Variants in ANKRD12 observed in about 807,000 individuals in gnomAD.
ANKRD12 encodes the protein ankyrin repeat domain 12.
ANKRD12 carries 85 observed loss-of-function variants against 183.4 expected under a neutral mutation model. The observed-to-expected ratio is 0.46, with a 90% CI of 0.39 to 0.56. The LOEUF (loss-of-function observed/expected upper bound fraction) is 0.56, where lower values mean the gene tolerates loss of function less well. Among genes scored for constraint, ANKRD12 ranks in the 20% least tolerant of loss-of-function variants. The pLI, the probability that ANKRD12 is intolerant of heterozygous loss-of-function variation, is 0.00. For synonymous variants in ANKRD12, 914 were observed against 800.2 expected (o/e 1.14, Z -2.40); for missense variants, 2,405 against 2,357.1 (o/e 1.02, Z -0.42).
chr18:9,251,407 A>G (rs1490263324), intron 8 of ANKRD12, among the ~76,000 whole-genome samples: 1 of 152,244 alleles, frequency 6.6e-6, no homozygotes, highest in Non-Finnish European at 1.5e-5. Flanking sequence ...CTTAGTTGCA[A>G]ATATCTGAAG....
intron 8 of ANKRD12, among the ~76,000 whole-genome samples, chr18:9,236,704 G>A (rs1309035175): frequency 1.3e-5 from 2 of 152,060 alleles, no homozygotes; most frequent in Non-Finnish European, 2.9e-5. Flanking sequence ...AAAAACAGAT[G>A]GAAGATAGAT....
chr18:9,211,715 CGAG>C lies in ANKRD12; in HGVS notation c.587_589del (p.Gly196del). The C allele has an allele frequency of 6.2e-7, 1 of 1,613,598 alleles. No individual in the cohort carries two copies. On this transcript the variant is annotated inframe_deletion, in exon 6 of 13. Transcript: ENST00000262126. The stretch of plus-strand genomic sequence containing the variant: ...AACTCCTTTACACATGGCTGCTATT[CGAG>C]GAGATGTGAAACAAGTTAAAGAATT...
intron 1 of ANKRD12, among the ~76,000 whole-genome samples, chr18:9,141,608 A>G (rs1459391392): frequency 6.6e-6 from 1 of 152,238 alleles, no homozygotes; most frequent in Non-Finnish European, 1.5e-5. Flanking sequence ...TGAAGCTGAA[A>G]GTTACAGGGT....
At chr18:9,196,189 TACACACACACACACACAC>T (rs34220366) in intron 3 of ANKRD12, among the ~76,000 whole-genome samples, 1 of 51,616 alleles carries the variant, frequency 1.9e-5, no homozygotes, top group African/African-American at 6.6e-5. Flanking sequence ...ATAGAATTTT[TACACACACACACACACAC>T]ACACACACAC....
intron 9 of ANKRD12, among the ~76,000 whole-genome samples, chr18:9,261,744 C>A (rs2038978855): frequency 6.6e-6 from 1 of 152,104 alleles, no homozygotes; most frequent in Non-Finnish European, 1.5e-5. Context: ...TTGGGAATTA[C>A]CTCCCTCCCT....
chr18:9,233,924 C>T (rs888100136), intron 8 of ANKRD12, among the ~76,000 whole-genome samples: 4 of 152,214 alleles, frequency 2.6e-5, no homozygotes, highest in East Asian at 1.9e-4. Flanking sequence ...ATGCCAGTAA[C>T]GGCACAGTGG....
At chr18:9,220,077 A>G (rs931141783) in intron 7 of ANKRD12, among the ~76,000 whole-genome samples, 3 of 152,242 alleles carry the variant, frequency 2.0e-5, no homozygotes, top group African/African-American at 4.8e-5. Flanking sequence ...ACATTATTAC[A>G]TTTCAGATTT....
chr18:9,175,523 C>CTTTTTTTT (rs33944736), intron 1 of ANKRD12, among the ~76,000 whole-genome samples: 2,272 of 53,332 alleles, frequency 0.043, 675 homozygotes, highest in Middle Eastern at 0.13. Context: ...AAAGGCTCCT[C>CTTTTTTTT]TTTTTTTTTT....
chr18:9,215,277 A>G (rs2036031029), intron 6 of ANKRD12, among the ~76,000 whole-genome samples: 1 of 152,172 alleles, frequency 6.6e-6, no homozygotes, highest in Non-Finnish European at 1.5e-5. Flanking sequence ...TGTTTTATGT[A>G]AATACAGTTG....
chr18:9,266,337 A>C (rs887717285), intron 10 of ANKRD12, among the ~76,000 whole-genome samples: 1 of 152,208 alleles, frequency 6.6e-6, no homozygotes, highest in Non-Finnish European at 1.5e-5. Flanking sequence ...AGTTGAAATG[A>C]AGGAAAAAAT....
intron 1 of ANKRD12, among the ~76,000 whole-genome samples, chr18:9,157,905 T>A (rs2030849934): frequency 1.3e-5 from 2 of 152,006 alleles, no homozygotes; most frequent in Admixed American, 1.3e-4. Context: ...AGGTTTTTAA[T>A]CATGAGAAGT....
intron 1 of ANKRD12, among the ~76,000 whole-genome samples, chr18:9,152,534 T>C (rs1327848306): frequency 6.6e-6 from 1 of 150,448 alleles, no homozygotes; most frequent in African/African-American, 2.4e-5. Context: ...GTGGTCTGCT[T>C]TTTTTTTTAA....
At chr18:9,246,680 T>G (rs1038110251) in intron 8 of ANKRD12, among the ~76,000 whole-genome samples, 2 of 152,238 alleles carry the variant, frequency 1.3e-5, no homozygotes, top group African/African-American at 4.8e-5. Context: ...TTTATTGAAT[T>G]TGGCAGTATT....
At chr18:9,237,090 AAACC>A (rs1257843572) in intron 8 of ANKRD12, among the ~76,000 whole-genome samples, 1 of 152,230 alleles carries the variant, frequency 6.6e-6, no homozygotes, top group Non-Finnish European at 1.5e-5. Context: ...GTGGGAGAAT[AAACC>A]AACAACTTAT....
intron 2 of ANKRD12, among the ~76,000 whole-genome samples, chr18:9,190,695 C>T (rs1209129841): frequency 1.3e-5 from 2 of 152,166 alleles, no homozygotes; most frequent in Non-Finnish European, 2.9e-5. Flanking sequence ...GCAAGACCCT[C>T]CACCAGCAAA....
intron 3 of ANKRD12, among the ~76,000 whole-genome samples, chr18:9,199,474 GT>G (rs2144485432): frequency 6.6e-6 from 1 of 152,272 alleles, no homozygotes; most frequent in South Asian, 2.1e-4. Flanking sequence ...TGTTGGATGT[GT>G]TTTGGGTACA....
At chr18:9,218,311 A>G (rs1184588678) in intron 7 of ANKRD12, among the ~76,000 whole-genome samples, 1 of 152,132 alleles carries the variant, frequency 6.6e-6, no homozygotes, top group African/African-American at 2.4e-5. Flanking sequence ...TTTTCCTCCT[A>G]CCAACATGCC....
intron 2 of ANKRD12, among the ~76,000 whole-genome samples, chr18:9,186,113 G>C (rs1049792535): frequency 6.7e-6 from 1 of 150,200 alleles, no homozygotes; most frequent in Non-Finnish European, 1.5e-5. Context: ...AGTAGTGCCT[G>C]AATATTGCCC....
Position 9,206,363 on chromosome 18 carries a change from GCTAA to G in ANKRD12, c.304+1822_304+1825del, listed in dbSNP as rs201069697. Among the ~76,000 whole-genome samples, 950 of 152,098 alleles carry G rather than the reference GCTAA, an allele frequency of 6.2e-3. 10 individuals carry two copies. The highest frequency in any genetic ancestry group is 0.021 in the African/African-American group (890 of 41,528). On this transcript the variant is annotated intron_variant, in intron 4 of 12. Coordinates refer to ENST00000262126, the MANE Select transcript of ANKRD12 (RefSeq NM_015208.5). Reference sequence around the variant, plus strand: ...AATCACCTTCCTGACAAGAGAAGTAGCTAACTCTTTATAAGATATATAATATATT... The same window carrying G: ...AATCACCTTCCTGACAAGAGAAGTAGCTCTTTATAAGATATATAATATATT...
Sources: gnomAD v4.1 joint callset for allele counts (sites outside exome capture counted in the v4.1 genomes callset) on GRCh38, gnomAD v4.1.1 for gene constraint, MANE v1.5 for transcripts, NCBI Gene and HGNC (gene_info 2026-07-23, HGNC 2026-07-21) for gene names.